Variants in CEPT1 observed in about 807,000 individuals in gnomAD.
CEPT1 encodes choline/ethanolamine phosphotransferase 1.
A neutral mutation model predicts 42.6 loss-of-function variants in CEPT1; 7 were observed. The observed-to-expected ratio is 0.16, with a 90% CI of 0.09 to 0.31. The LOEUF (loss-of-function observed/expected upper bound fraction) is 0.31, where lower values mean the gene tolerates loss of function less well. Ranked by LOEUF, CEPT1 falls within the 10% of genes least tolerant of loss-of-function variation. The pLI, the probability that CEPT1 is intolerant of heterozygous loss-of-function variation, is 1.00. For missense variants in CEPT1, 306 were observed against 502.1 expected (o/e 0.61, Z 3.73); for synonymous variants, 171 against 171.9 (o/e 0.99, Z 0.04).
intron 5 of CEPT1, chr1:111,180,130 A>G (rs1475388276): frequency 5.3e-5 from 8 of 152,206 alleles, no homozygotes; most frequent in African/African-American, 1.7e-4. Context: ...CATTCAGTTC[A>G]TTTATGACAC....
At chr1:111,169,779 A>G (rs995507421) in intron 4 of CEPT1, among the ~76,000 whole-genome samples, 1 of 152,206 alleles carries the variant, frequency 6.6e-6, no homozygotes, top group Non-Finnish European at 1.5e-5. Flanking sequence ...ATTAGCATGT[A>G]AACTATCTAT....
intron 1 of CEPT1, among the ~76,000 whole-genome samples, chr1:111,144,682 C>T (rs528590619): frequency 1.3e-5 from 2 of 152,080 alleles, no homozygotes; most frequent in African/African-American, 2.4e-5. Context: ...TTTTTCTTTA[C>T]AGTAAGAGAA....
chr1:111,167,739 G>A lies in CEPT1; in HGVS notation c.629+6443G>A, dbSNP rs574784447. On this transcript the variant is annotated intron_variant, in intron 4 of 8. Coordinates refer to ENST00000357172, the MANE Select transcript of CEPT1 (RefSeq NM_006090.5). ...CTCATTTCTGTTTGTTTTGCTTAATGTTTTTCACTCTTAGTTGTGCTTTTG... is the reference window on the plus strand; with the variant it reads ...CTCATTTCTGTTTGTTTTGCTTAATATTTTTCACTCTTAGTTGTGCTTTTG... The A allele has an allele frequency of 2.0e-5, 20 of 981,504 alleles. No individual in the cohort carries two copies. The Admixed American group carries it at 1.2e-3, about 57-fold the overall frequency. The allele number at this position is 981,504 out of a possible 1,614,324, so 60.8% of individuals were successfully genotyped here.
At chr1:111,156,965 C>T (rs12406179) in intron 2 of CEPT1, among the ~76,000 whole-genome samples, 18 of 152,258 alleles carry the variant, frequency 1.2e-4, no homozygotes, top group Admixed American at 1.0e-3. Flanking sequence ...CTTTCCCATA[C>T]ACTTATCAGG....
chr1:111,170,640 T>C (rs1164113665), intron 4 of CEPT1, among the ~76,000 whole-genome samples: 1 of 152,170 alleles, frequency 6.6e-6, no homozygotes, highest in African/African-American at 2.4e-5. Context: ...ACCCATGGTA[T>C]TTCTGGTAGA....
chr1:111,179,953 A>G (rs755206838), intron 5 of CEPT1: 9 of 152,216 alleles, frequency 5.9e-5, no homozygotes, highest in Non-Finnish European at 1.2e-4. Context: ...TTAAGAATCT[A>G]TGATACTTTG....
chr1:111,146,900 C>T (rs556393436), intron 1 of CEPT1, among the ~76,000 whole-genome samples: 7 of 149,766 alleles, frequency 4.7e-5, no homozygotes, highest in Non-Finnish European at 7.4e-5. Context: ...CCGAGAATAC[C>T]GTCTATATTC....
chr1:111,143,658 G>A (rs1225728113), intron 1 of CEPT1: 1 of 151,826 alleles, frequency 6.6e-6, no homozygotes, highest in Non-Finnish European at 1.5e-5. Flanking sequence ...GGTAAGAAAA[G>A]GACATTTTCT....
At chr1:111,139,972 G>C (rs781464573), upstream of CEPT1, 4 of 152,538 alleles carry the variant, frequency 2.6e-5, no homozygotes, top group South Asian at 8.3e-4. Flanking sequence ...ACCCTCTGAC[G>C]CACCCTTCTA....
intron 2 of CEPT1, among the ~76,000 whole-genome samples, chr1:111,149,500 T>A (rs954179960): frequency 1.4e-4 from 21 of 152,292 alleles, no homozygotes; most frequent in Admixed American, 1.0e-3. Flanking sequence ...TGACCTCAGG[T>A]GATCCACCAA....
chr1:111,157,808 A>G (rs936424636), intron 2 of CEPT1, among the ~76,000 whole-genome samples: 2 of 152,230 alleles, frequency 1.3e-5, no homozygotes, highest in East Asian at 3.8e-4. Flanking sequence ...CTGGTACTAA[A>G]TAGATCTCTA....
rs116182828 is a variant in CEPT1 at position 111,148,594 on chromosome 1, C to T, written c.339+541C>T. Among the ~76,000 whole-genome samples the T allele has an allele frequency of 3.4e-3, 516 of 152,182 alleles. 6 individuals carry two copies. Among genetic ancestry groups the T allele is most frequent in the African/African-American group, 0.012 (498 of 41,526 alleles). Reference sequence around the variant, plus strand: ...AGAAAAAGTCAATACAATGTATTTCCTATTCTGTATCCTGCTCTGGCTACC... The same window carrying T: ...AGAAAAAGTCAATACAATGTATTTCTTATTCTGTATCCTGCTCTGGCTACC... On this transcript the variant is annotated intron_variant, in intron 2 of 8. Transcript: ENST00000357172.
At chr1:111,174,656 GTT>G (rs1656587221) in intron 4 of CEPT1, among the ~76,000 whole-genome samples, 1 of 151,742 alleles carries the variant, frequency 6.6e-6, no homozygotes, top group Admixed American at 6.6e-5. Context: ...GAAAGGAGGG[GTT>G]TTTATTGCTC....
chr1:111,166,664 G>A (rs551747305), intron 4 of CEPT1, among the ~76,000 whole-genome samples: 17 of 152,262 alleles, frequency 1.1e-4, no homozygotes, highest in South Asian at 8.3e-4. Context: ...GGGAAGGAGC[G>A]TAAGATGGAT....
chr1:111,161,436 C>A, intron 4 of CEPT1, 140 bp downstream of exon 4: 1 of 773,632 alleles, frequency 1.3e-6, no homozygotes, highest in Non-Finnish European at 2.0e-6. Context: ...ATTATTATAG[C>A]TATTTCCTAA....
chr1:111,167,817 T>C (rs1388033776), intron 4 of CEPT1: 1 of 847,844 alleles, frequency 1.2e-6, no homozygotes, highest in East Asian at 1.2e-4. Context: ...TTGAATACTT[T>C]CCTTTTTTGT....
At chr1:111,159,230 A>T (rs971341388) in intron 2 of CEPT1, 150 bp from the exon 3 acceptor site, 2 of 718,772 alleles carry the variant, frequency 2.8e-6, no homozygotes, top group Non-Finnish European at 4.5e-6. Context: ...TTACAATTCT[A>T]ATTGTTTCAG....
rs761630096 is a variant in CEPT1, at chr1:111,159,518, C to T, written c.478C>T (p.Leu160=). The change falls in exon 3 of 9, where the codon CTA becomes TTA. Residue 160 remains leucine, a synonymous_variant. Coordinates refer to ENST00000357172, the MANE Select transcript of CEPT1 (RefSeq NM_006090.5). The stretch of plus-strand genomic sequence containing the variant: ...ACTTTTTGATCATGGCTGTGATTCA[C>T]TATCAACAGGTATTGTTGATTTTTT... The part of the protein sequence containing the change: ...GELFDHGCDS[L]STVFVVLGTC... 1.1e-5 allele frequency: 17 copies of T among 1,608,540 alleles called. No homozygotes were observed. Among genetic ancestry groups the T allele is most frequent in the Non-Finnish European group, 1.4e-5 (17 of 1,178,528 alleles).
chr1:111,163,958 T>C (rs1367317972), intron 4 of CEPT1, among the ~76,000 whole-genome samples: 1 of 152,202 alleles, frequency 6.6e-6, no homozygotes, highest in East Asian at 1.9e-4. Context: ...TTGAATTGTT[T>C]TATTTTGATG....
Sources: gnomAD v4.1 joint callset for allele counts (sites outside exome capture counted in the v4.1 genomes callset) on GRCh38, gnomAD v4.1.1 for gene constraint, MANE v1.5 for transcripts, NCBI Gene and HGNC (gene_info 2026-07-23, HGNC 2026-07-21) for gene names.